Variants in LRIT2 observed in about 807,000 individuals in gnomAD.
LRIT2 encodes leucine rich repeat, Ig-like and transmembrane domains 2, also known as leucine-rich repeat, immunoglobulin-like domain and transmembrane domain-containing protein 2.
Under a neutral mutation model 22.4 loss-of-function variants are expected in LRIT2, and 23 were observed. The observed-to-expected ratio is 1.03, with a 90% confidence interval of 0.74 to 1.45. LRIT2 has a LOEUF of 1.45. LRIT2 is among the 40% of genes most tolerant of loss of function. LRIT2 has a pLI of 0.00. For missense variants in LRIT2, 784 were observed against 665.6 expected, an observed-to-expected ratio of 1.18 and a Z score of -1.96; for synonymous variants, 291 against 267.1, an observed-to-expected ratio of 1.09 and a Z score of -0.87.
At position 84,224,719 on chromosome 10, in the gene LRIT2, C is replaced by T; in HGVS notation, c.506G>A (p.Ser169Asn). The T allele has an allele frequency of 6.2e-7, 1 of 1,614,160 alleles. No homozygotes were observed. Among genetic ancestry groups the T allele is most frequent in the Non-Finnish European group, 8.5e-7 (1 of 1,180,012 alleles). ...SSNRLTVVSKSVFLNWPAYQK... is the reference protein window; with the variant it reads ...SSNRLTVVSKNVFLNWPAYQK... ...GTAGGCTGGCCAGTTCAGGAAGACACTCTTGGATACAACTGTAAGCCTATT... is the reference window on the plus strand; with the variant it reads ...GTAGGCTGGCCAGTTCAGGAAGACATTCTTGGATACAACTGTAAGCCTATT... Residue 169 changes from serine (S) to asparagine (N), a missense_variant, in exon 2 of 3, where the codon AGT becomes AAT. By Grantham distance (46) the Ser-to-Asn change is conservative. Coordinates refer to ENST00000372113, the MANE Select transcript of LRIT2 (RefSeq NM_001017924.5).
At position 84,221,650 on chromosome 10, in the gene LRIT2, T is replaced by A. The variant is rs1287645351; in HGVS notation, c.*270A>T. On this transcript the variant is annotated 3_prime_UTR_variant, in exon 3 of 3. Transcript: ENST00000372113. ...ATATGCAAAGAGTAATATTTAGTGATTTCTAATCACCATGTATAATAAAAT... is the reference window on the plus strand; with the variant it reads ...ATATGCAAAGAGTAATATTTAGTGAATTCTAATCACCATGTATAATAAAAT... 6.1e-6 allele frequency: 2 copies of A among 327,008 alleles called. No homozygotes were observed. Among genetic ancestry groups the A allele is most frequent in the Non-Finnish European group, 1.1e-5 (2 of 179,088 alleles). The allele number at this position is 327,008 out of a possible 1,614,324, so 20.3% of individuals were successfully genotyped here. A position where few individuals can be genotyped will look rare whatever the true frequency, so the allele number is the denominator to read the frequency against.
At chr10:84,224,043 A>C (rs1564672060) in intron 2 of LRIT2, among the ~76,000 whole-genome samples, 2 of 152,246 alleles carry the variant, frequency 1.3e-5, no homozygotes, top group Non-Finnish European at 2.9e-5. Flanking sequence ...CTCATATAAA[A>C]TTTTATAATA....
At position 84,221,966 on chromosome 10, in the gene LRIT2, T is replaced by C. The variant is rs1410703794; in HGVS notation, c.1607A>G (p.Asp536Gly). The change falls in exon 3 of 3, where the codon GAC (aspartate) becomes GGC (glycine). Residue 536 changes from aspartate (D) to glycine (G), a missense_variant. Transcript: ENST00000372113. ...AVCDDGEGHIDTEGDKEKGGT... is the reference protein window; with the variant it reads ...AVCDDGEGHIGTEGDKEKGGT... ...TCCTTTCTCCTTGTCCCCCTCAGTG[T>C]CTATGTGCCCTTCACCGTCATCACA... is the stretch of plus-strand genomic sequence containing the variant. 1.9e-6 allele frequency: 3 copies of C among 1,560,990 alleles called. No homozygotes were observed. Among genetic ancestry groups the C allele is most frequent in the East Asian group, 2.3e-5 (1 of 44,290 alleles).
rs550705072 is a variant in LRIT2, at chr10:84,224,703, C to A, written c.522G>T (p.Trp174Cys). The A allele has an allele frequency of 4.3e-6, 7 of 1,613,988 alleles. No homozygotes were observed. The highest frequency in any genetic ancestry group is 2.7e-5 in the African/African-American group (2 of 74,894). The change falls in exon 2 of 3, where the codon TGG becomes TGT. Residue 174 changes from tryptophan (W) to cysteine (C), a missense_variant. By Grantham distance (215) the Trp-to-Cys change is radical (BLOSUM62 -2). Transcript: ENST00000372113. ...TVVSKSVFLNWPAYQKCRQPD... is the reference protein window; with the variant it reads ...TVVSKSVFLNCPAYQKCRQPD... ...GCTGCCGGCATTTCTGGTAGGCTGG[C>A]CAGTTCAGGAAGACACTCTTGGATA...
rs371479420 is a variant in LRIT2, at chr10:84,222,374, G to A, written c.1199C>T (p.Ser400Leu). ...CACCTCCTTCCTGAAGGCTTCATCC[G>A]ATGCAATGTAGAGGGTGAACCACTC... ...KEEWFTLYIA[S>L]DEAFRKEVVH... Residue 400 changes from serine to leucine, a missense_variant, in exon 3 of 3, where the codon TCG becomes TTG. Transcript: ENST00000372113. 8.1e-6 allele frequency: 13 copies of A among 1,614,112 alleles called. No homozygotes were observed. The highest frequency in any genetic ancestry group is 2.2e-5 in the East Asian group (1 of 44,862).
In LRIT2 at chr10:84,225,540, CGTT is replaced by C. The variant is rs1301921918; in HGVS notation, c.-23_-21del. 6.2e-7 allele frequency: 1 copy of C among 1,610,472 alleles called. No individual in the cohort carries two copies. Among genetic ancestry groups the C allele is most frequent in the African/African-American group, 1.3e-5 (1 of 74,760 alleles). On this transcript the variant is annotated 5_prime_UTR_variant, in exon 1 of 3. Transcript: ENST00000372113. ...AGCCATATTTCTCTGTAAGAAAATA[CGTT>C]GTGAGTTTTGAATAAGTATCGCCCC...
chr10:84,222,960 G>C, intron 2 of LRIT2: 1 of 672,826 alleles, frequency 1.5e-6, no homozygotes, highest in South Asian at 1.6e-5. Context: ...AATTGATATG[G>C]GACCTGGCTC....
chr10:84,224,937 T>C lies in LRIT2; in HGVS notation c.288A>G (p.Leu96=), dbSNP rs1453047688. The change falls in exon 2 of 3, where the codon CTA becomes CTG. Residue 96 remains leucine (L), a synonymous_variant. Coordinates refer to ENST00000372113, the MANE Select transcript of LRIT2 (RefSeq NM_001017924.5). ...LNFNNISVIH[L]GALEHLPELR... is the part of the protein sequence containing the mutation. The stretch of plus-strand genomic sequence containing the variant: ...GTTCTGGCAGGTGTTCCAGGGCTCC[T>C]AGGTGGATCACACTGATATTGTTAA... 2.5e-6 allele frequency: 4 copies of C among 1,614,070 alleles called. No homozygotes were observed. The highest frequency in any genetic ancestry group is 3.4e-6 in the Non-Finnish European group (4 of 1,180,038).
Position 84,222,283 on chromosome 10 carries a change from C to T in LRIT2, c.1290G>A (p.Glu430=). Residue 430 remains glutamate (E), a synonymous_variant, in exon 3 of 3, where the codon GAG becomes GAA. Transcript: ENST00000372113. ...VDDLLPGTKY[E]ACLSLEGQPP... ...GCTGGCCCTCTAGGCTGAGGCAGGC[C>T]TCATATTTTGTGCCAGGAAGGAGGT... 6.2e-7 allele frequency: 1 copy of T among 1,614,224 alleles called. No individual in the cohort carries two copies. The highest frequency in any genetic ancestry group is 8.5e-7 in the Non-Finnish European group (1 of 1,180,042).
In LRIT2 at chr10:84,222,662, C is replaced by T. The variant is rs753585692; in HGVS notation, c.911G>A (p.Gly304Glu). 11 of 1,613,876 alleles carry T rather than the reference C, an allele frequency of 6.8e-6. No homozygotes were observed. The African/African-American group carries it at 8.0e-5, about 12-fold the overall frequency. Residue 304 changes from glycine (G) to glutamate (E), a missense_variant, in exon 3 of 3, where the codon GGA becomes GAA. Gly to Glu is a moderately conservative substitution (Grantham distance 98). Coordinates refer to ENST00000372113, the MANE Select transcript of LRIT2 (RefSeq NM_001017924.5). The stretch of plus-strand genomic sequence containing the variant: ...CAGCTCTGACAGAGCAGTGTCTTCT[C>T]CAGTAGAAGATGTCAACACTGGGTG... Reference protein sequence around the residue: ...REFDVLTSSTGEDTALSELAI... With the variant: ...REFDVLTSSTEEDTALSELAI...
chr10:84,222,937 G>A (rs1278088665), intron 2 of LRIT2: 15 of 690,798 alleles, frequency 2.2e-5, no homozygotes, highest in Non-Finnish European at 3.7e-5. Context: ...AGTGAGAGTT[G>A]TTCAGAAGCA....
In LRIT2 at chr10:84,224,912, G is replaced by C. The variant is rs765843479; in HGVS notation, c.313C>G (p.Leu105Val). 1.2e-6 allele frequency: 2 copies of C among 1,614,180 alleles called. No homozygotes were observed. Among genetic ancestry groups the C allele is most frequent in the Non-Finnish European group, 1.7e-6 (2 of 1,180,020 alleles). The change falls in exon 2 of 3, where the codon CTG becomes GTG. Residue 105 changes from leucine to valine, a missense_variant. Coordinates refer to ENST00000372113, the MANE Select transcript of LRIT2 (RefSeq NM_001017924.5). Reference sequence around the variant, plus strand: ...TTCCCCTCCAGTCTCAGCTCCCTCAGTTCTGGCAGGTGTTCCAGGGCTCCT... The same window carrying C: ...TTCCCCTCCAGTCTCAGCTCCCTCACTTCTGGCAGGTGTTCCAGGGCTCCT... Reference protein sequence around the residue: ...HLGALEHLPELRELRLEGNKL... With the variant: ...HLGALEHLPEVRELRLEGNKL...
chr10:84,225,214 A>G (rs1444057741), intron 1 of LRIT2, 100 bp from the exon 2 acceptor site: 4 of 1,265,508 alleles, frequency 3.2e-6, no homozygotes, highest in East Asian at 2.5e-5. Flanking sequence ...GAATAAAAAT[A>G]TTATTATTCA....
At chr10:84,224,160 GA>G (rs1219800068) in intron 2 of LRIT2, among the ~76,000 whole-genome samples, 172 bp downstream of exon 2, 1 of 152,202 alleles carries the variant, frequency 6.6e-6, no homozygotes, top group East Asian at 1.9e-4. Context: ...GCCAATAGTG[GA>G]ACACTACCTT....
rs1455728691 is a variant in LRIT2 at position 84,222,486 on chromosome 10, T to C, written c.1087A>G (p.Asn363Asp). The part of the protein sequence containing the change: ...PDSLSIPSEG[N>D]AYIDLRVVKQ... Reference sequence around the variant, plus strand: ...ACAACCCGCAGGTCAATGTAGGCATTGCCCTCCGAGGGGATGGAAAGAGAA... The same window carrying C: ...ACAACCCGCAGGTCAATGTAGGCATCGCCCTCCGAGGGGATGGAAAGAGAA... The change falls in exon 3 of 3, where the codon AAT (asparagine) becomes GAT (aspartate). Residue 363 changes from asparagine (N) to aspartate (D), a missense_variant. Physicochemically the swap from Asn to Asp is conservative, Grantham distance 23. Coordinates refer to ENST00000372113, the MANE Select transcript of LRIT2 (RefSeq NM_001017924.5). 3 of 1,613,932 alleles carry C rather than the reference T, an allele frequency of 1.9e-6. No individual in the cohort carries two copies. The highest frequency in any genetic ancestry group is 2.5e-6 in the Non-Finnish European group (3 of 1,180,030).
At chr10:84,222,895 T>C (rs996040455) in intron 2 of LRIT2, 6 of 709,718 alleles carry the variant, frequency 8.5e-6, no homozygotes, top group Non-Finnish European at 1.5e-5. Flanking sequence ...CATAGGATAT[T>C]GAGGATTGGA....
Position 84,221,740 on chromosome 10 carries a change from T to A in LRIT2, c.*180A>T. 1 of 460,708 alleles carries A rather than the reference T, an allele frequency of 2.2e-6. No individual in the cohort carries two copies. Among genetic ancestry groups the A allele is most frequent in the Admixed American group, 3.8e-5 (1 of 26,664 alleles). 28.5% of individuals were successfully genotyped at this position (460,708 alleles called of 1,614,324 possible). On this transcript the variant is annotated 3_prime_UTR_variant, in exon 3 of 3. Transcript: ENST00000372113. Reference sequence around the variant, plus strand: ...ACGAAGATAATGACTATGTCCCCTTTATCATGAAGATAAAGACTCTGTTTC... The same window carrying A: ...ACGAAGATAATGACTATGTCCCCTTAATCATGAAGATAAAGACTCTGTTTC...
At chr10:84,223,542 C>T (rs1327015304) in intron 2 of LRIT2, among the ~76,000 whole-genome samples, 1 of 145,804 alleles carries the variant, frequency 6.9e-6, no homozygotes, top group Non-Finnish European at 1.5e-5. Flanking sequence ...TAACAAATAC[C>T]TGGGCAAATG....
rs1332096823 is a variant in LRIT2, at chr10:84,222,697, A to G, written c.893-17T>C. On this transcript the variant is annotated splice_polypyrimidine_tract_variant and intron_variant, in intron 2 of 2. Transcript: ENST00000372113. ...ATGTCAACACTGGGTGGAAAGAAAA[A>G]CAAAACAGCTGTGCATTTATCTGAT... The G allele has an allele frequency of 6.2e-7, 1 of 1,611,896 alleles. No individual in the cohort carries two copies. Among genetic ancestry groups the G allele is most frequent in the Non-Finnish European group, 8.5e-7 (1 of 1,178,218 alleles).
Sources: gnomAD v4.1 joint callset for allele counts (sites outside exome capture counted in the v4.1 genomes callset) on GRCh38, gnomAD v4.1.1 for gene constraint, MANE v1.5 for transcripts, NCBI Gene and HGNC (gene_info 2026-07-23, HGNC 2026-07-21) for gene names.